Variants in CFAP58 observed in about 807,000 individuals in gnomAD.
CFAP58 encodes cilia- and flagella-associated protein 58.
A neutral mutation model predicts 119.5 loss-of-function variants in CFAP58; 88 were observed. That is an observed-to-expected ratio of 0.74 (90% CI 0.62 to 0.88). The LOEUF (loss-of-function observed/expected upper bound fraction) is 0.88. Among genes scored for constraint, CFAP58 ranks in the 40% least tolerant of loss-of-function variants. CFAP58 has a pLI of 0.00. For missense variants in CFAP58, 990 were observed against 1,021.2 expected, an observed-to-expected ratio of 0.97 and a Z score of 0.42; for synonymous variants, 365 against 366.3, an observed-to-expected ratio of 1.00 and a Z score of 0.04.
Position 104,450,077 on chromosome 10 carries a change from T to C in CFAP58, c.2383T>C (p.Ser795Pro), listed in dbSNP as rs1428402094. 6.3e-7 allele frequency: 1 copy of C among 1,592,350 alleles called. No homozygotes were observed. The highest frequency in any genetic ancestry group is 8.5e-7 in the Non-Finnish European group (1 of 1,173,742). Reference sequence around the variant, plus strand: ...GCTTTATTTGCCATGTTAGGTTTTGTCTTCAGAATTGAATATGTATGAAGT... The same window carrying C: ...GCTTTATTTGCCATGTTAGGTTTTGCCTTCAGAATTGAATATGTATGAAGT... ...HDKKQQLKVL[S>P]SELNMYEVQS... The change falls in exon 17 of 18, where the codon TCT (serine) becomes CCT (proline). Residue 795 changes from serine to proline, a missense_variant. Coordinates refer to ENST00000369704, the MANE Select transcript of CFAP58 (RefSeq NM_001008723.2).
chr10:104,436,941 A>T (rs1218396390), intron 15 of CFAP58, among the ~76,000 whole-genome samples: 1 of 152,042 alleles, frequency 6.6e-6, no homozygotes, highest in Non-Finnish European at 1.5e-5. Flanking sequence ...TATGACTTTG[A>T]TTGTATTGTT....
At chr10:104,402,340 C>A (rs2012280589) in intron 13 of CFAP58, among the ~76,000 whole-genome samples, 1 of 152,204 alleles carries the variant, frequency 6.6e-6, no homozygotes, top group Non-Finnish European at 1.5e-5. Context: ...GCTTTTAATT[C>A]TAAGCAGCTT....
At chr10:104,356,036 A>G (rs1015135028) in intron 1 of CFAP58, among the ~76,000 whole-genome samples, 7 of 152,228 alleles carry the variant, frequency 4.6e-5, no homozygotes, top group African/African-American at 1.7e-4. Context: ...AACAAGGGAG[A>G]AGAACAGAAC....
chr10:104,373,091 A>T (rs950352845), intron 7 of CFAP58, among the ~76,000 whole-genome samples: 21 of 152,336 alleles, frequency 1.4e-4, no homozygotes, highest in East Asian at 1.9e-4. Flanking sequence ...ATACCAAAAA[A>T]ATCAGAGTAT....
At chr10:104,351,962 GA>G (rs1291706971), upstream of CFAP58, 1 of 152,044 alleles carries the variant, frequency 6.6e-6, no homozygotes, top group Non-Finnish European at 1.5e-5. Flanking sequence ...AAGATCAATA[GA>G]AAAATAGACA....
At position 104,443,439 on chromosome 10, in the gene CFAP58, A is replaced by G. The variant is rs1240881536; in HGVS notation, c.2257-4259A>G. On this transcript the variant is annotated intron_variant, in intron 15 of 17. Coordinates refer to ENST00000369704, the MANE Select transcript of CFAP58 (RefSeq NM_001008723.2). Reference sequence around the variant, plus strand: ...GAAAGCTGCCTGTTTCGCTTGAGTCAGCTTGTTCACAGAGTGAGGTGATTC... The same window carrying G: ...GAAAGCTGCCTGTTTCGCTTGAGTCGGCTTGTTCACAGAGTGAGGTGATTC... Among the ~76,000 whole-genome samples the G allele has an allele frequency of 2.0e-5, 3 of 152,218 alleles. No individual in the cohort carries two copies. The East Asian group carries it at 5.8e-4, about 29-fold the overall frequency.
At position 104,454,489 on chromosome 10, in the gene CFAP58, G is replaced by A. The variant is rs750426638; in HGVS notation, c.2578G>A (p.Gly860Arg). ...CAAACCAAATGGTCCTGGTTTTACT[G>A]GGGGCGGATTTCCTCTCAGGTCAAC... is the stretch of plus-strand genomic sequence containing the variant. The part of the protein sequence containing the change: ...MVKPNGPGFT[G>R]GGFPLRSTKM... The change falls in exon 18 of 18, where the codon GGG becomes AGG. Residue 860 changes from glycine (G) to arginine (R), a missense_variant. Physicochemically the swap from Gly to Arg is moderately radical, Grantham distance 125. Transcript: ENST00000369704. 3.3e-5 allele frequency: 54 copies of A among 1,613,570 alleles called. No homozygotes were observed. The Middle Eastern group carries it at 9.9e-4, about 29-fold the overall frequency.
Position 104,375,935 on chromosome 10 carries a change from A to G in CFAP58, c.1091-876A>G, listed in dbSNP as rs544536779. On this transcript the variant is annotated intron_variant, in intron 7 of 17. Transcript: ENST00000369704. ...AGACCAAGTTTTATTGTGCAGAGGAAGCTTTCAGATAGCAGACTTCAGGGA... is the reference window on the plus strand; with the variant it reads ...AGACCAAGTTTTATTGTGCAGAGGAGGCTTTCAGATAGCAGACTTCAGGGA... 2.4e-4 allele frequency among the ~76,000 whole-genome samples: 36 copies of G among 152,268 alleles called. 1 individual carries two copies. Among genetic ancestry groups the G allele is most frequent in the African/African-American group, 7.9e-4 (33 of 41,564 alleles).
chr10:104,390,465 A>C (rs1293337878), intron 9 of CFAP58, among the ~76,000 whole-genome samples: 1 of 152,250 alleles, frequency 6.6e-6, no homozygotes, highest in Non-Finnish European at 1.5e-5. Context: ...TACTCATTGA[A>C]TAACTTTGTA....
intron 15 of CFAP58, among the ~76,000 whole-genome samples, chr10:104,409,864 A>ATCTTTG (rs3069006): frequency 0.54 from 80,931 of 151,050 alleles, 22,445 homozygotes; most frequent in African/African-American, 0.69. Flanking sequence ...AAAAAATCTT[A>ATCTTTG]TCTTTGTGTT....
At chr10:104,438,807 A>C (rs1329525286) in intron 15 of CFAP58, among the ~76,000 whole-genome samples, 3 of 152,220 alleles carry the variant, frequency 2.0e-5, no homozygotes, top group African/African-American at 7.2e-5. Flanking sequence ...TGGACTTGTG[A>C]ACTTGGGAAC....
In CFAP58 at chr10:104,358,559, G is replaced by A. The variant is rs1307702466; in HGVS notation, c.228G>A (p.Ala76=). Residue 76 remains alanine, a synonymous_variant, in exon 2 of 18, where the codon GCG becomes GCA. Transcript: ENST00000369704. ...ELNAEIVVNS[A]KVATALKLSQ... ...ATGCAGAGATTGTAGTGAATTCTGCGAAGGTCGCCACTGCCCTTAAGCTCT... is the reference window on the plus strand; with the variant it reads ...ATGCAGAGATTGTAGTGAATTCTGCAAAGGTCGCCACTGCCCTTAAGCTCT... 1.2e-5 allele frequency: 20 copies of A among 1,613,968 alleles called. No individual in the cohort carries two copies. Among genetic ancestry groups the A allele is most frequent in the East Asian group, 2.2e-5 (1 of 44,890 alleles).
chr10:104,412,947 C>T (rs184286504), intron 15 of CFAP58, among the ~76,000 whole-genome samples: 90 of 152,320 alleles, frequency 5.9e-4, no homozygotes, highest in Non-Finnish European at 1.0e-3. Context: ...TCTTGGTACA[C>T]GTTCCCGTAA....
intron 3 of CFAP58, 79 bp downstream of exon 3, chr10:104,362,250 G>A (rs1026583343): frequency 2.4e-5 from 30 of 1,264,748 alleles, no homozygotes; most frequent in Middle Eastern, 4.0e-4. Context: ...GGGCTTGCCA[G>A]TGTCTTCTTG....
At chr10:104,411,806 T>G (rs1209382126) in intron 15 of CFAP58, among the ~76,000 whole-genome samples, 1 of 152,096 alleles carries the variant, frequency 6.6e-6, no homozygotes, top group Non-Finnish European at 1.5e-5. Flanking sequence ...ATAGTTAGGT[T>G]TCCTTGTGGT....
intron 14 of CFAP58, among the ~76,000 whole-genome samples, 178 bp from the exon 15 acceptor site, chr10:104,406,511 G>C (rs2012361399): frequency 6.6e-6 from 1 of 152,104 alleles, no homozygotes; most frequent in African/African-American, 2.4e-5. Flanking sequence ...CTGCCTTTTT[G>C]GGGACAGGAA....
intron 2 of CFAP58, 114 bp from the exon 3 acceptor site, chr10:104,361,909 T>G: frequency 1.0e-6 from 1 of 975,466 alleles, no homozygotes; most frequent in Non-Finnish European, 1.5e-6. Context: ...AACAATTTAG[T>G]CAATGCACAT....
At chr10:104,386,996 T>TA (rs1166654432) in intron 9 of CFAP58, among the ~76,000 whole-genome samples, 1 of 152,234 alleles carries the variant, frequency 6.6e-6, no homozygotes, top group African/African-American at 2.4e-5. Context: ...CTTTCTTGCT[T>TA]AGAGAAAGAA....
intron 15 of CFAP58, among the ~76,000 whole-genome samples, chr10:104,445,068 A>G (rs1412626032): frequency 6.6e-6 from 1 of 152,192 alleles, no homozygotes; most frequent in East Asian, 1.9e-4. Context: ...CAGGCCTGTA[A>G]TCACAGCACT....
Sources: allele counts gnomAD v4.1 joint callset (sites outside exome capture counted in the v4.1 genomes callset), GRCh38; gene constraint gnomAD v4.1.1; transcripts MANE v1.5; gene names NCBI Gene and HGNC (gene_info 2026-07-23, HGNC 2026-07-21).